The following DCC variants were observed in gnomAD, a reference collection of about 807,000 sequenced individuals.
The protein encoded by DCC is DCC netrin 1 receptor.
Under a neutral mutation model 172.5 loss-of-function variants are expected in DCC, and 58 were observed. That is an observed-to-expected ratio of 0.34 (90% confidence interval 0.27 to 0.42). The LOEUF is 0.42. DCC is among the 10% of genes least tolerant of loss of function. The probability of loss-of-function intolerance (pLI) is 1.00; values close to 1 mark genes in which losing one functional copy is unlikely to be tolerated. For synonymous variants in DCC, 709 were observed against 644.5 expected, an observed-to-expected ratio of 1.10 and a Z score of -1.52; for missense variants, 1,740 against 1,791.0, an observed-to-expected ratio of 0.97 and a Z score of 0.51.
intron 22 of DCC, among the ~76,000 whole-genome samples, chr18:53,442,102 C>T (rs553009693): frequency 6.6e-6 from 1 of 152,272 alleles, no homozygotes; most frequent in South Asian, 2.1e-4. Flanking sequence ...ATTGTTATAC[C>T]TCTCTACATG....
At chr18:52,615,386 C>A (rs188868454) in intron 1 of DCC, among the ~76,000 whole-genome samples, 38 of 152,118 alleles carry the variant, frequency 2.5e-4, no homozygotes, top group African/African-American at 6.3e-4. Context: ...AGATTCAAAG[C>A]GGTGGGAACA....
intron 2 of DCC, among the ~76,000 whole-genome samples, chr18:52,812,643 A>G (rs916828085): frequency 6.6e-6 from 1 of 152,242 alleles, no homozygotes; most frequent in African/African-American, 2.4e-5. Context: ...ATTTATTTTC[A>G]AAGCCTAAGG....
chr18:53,243,632 G>C (rs1460390548), intron 12 of DCC, among the ~76,000 whole-genome samples: 1 of 152,110 alleles, frequency 6.6e-6, no homozygotes, highest in Non-Finnish European at 1.5e-5. Flanking sequence ...CAGATTATGT[G>C]GTTTAAGAAG....
intron 1 of DCC, among the ~76,000 whole-genome samples, chr18:52,403,433 A>C (rs1210352255): frequency 6.6e-6 from 1 of 152,020 alleles, no homozygotes; most frequent in African/African-American, 2.4e-5. Flanking sequence ...TTGAGGGTCC[A>C]GACTCATACT....
At chr18:52,569,200 A>G (rs2144755241) in intron 1 of DCC, among the ~76,000 whole-genome samples, 1 of 152,330 alleles carries the variant, frequency 6.6e-6, no homozygotes. Context: ...GCTGGATAAA[A>G]GAGGAACACA....
chr18:52,725,019 C>A (rs1188747976), intron 1 of DCC, among the ~76,000 whole-genome samples: 1 of 152,180 alleles, frequency 6.6e-6, no homozygotes, highest in African/African-American at 2.4e-5. Flanking sequence ...GGGTTATTTT[C>A]TTCACCAGGG....
chr18:52,846,448 G>A (rs1568141908), intron 2 of DCC, among the ~76,000 whole-genome samples: 1 of 152,090 alleles, frequency 6.6e-6, no homozygotes, highest in Non-Finnish European at 1.5e-5. Context: ...TCTGAGGTAG[G>A]AGGATTGCTT....
rs183452198 is a variant in DCC, at chr18:52,527,158, T to C, written c.91+186280T>C. 8.5e-5 allele frequency among the ~76,000 whole-genome samples: 13 copies of C among 152,292 alleles called. No individual in the cohort carries two copies. In the East Asian group the frequency reaches 2.5e-3, roughly 29 times the overall value. Reference sequence around the variant, plus strand: ...ACAAATGATTCTGTTCCCTCGGTGATAAAAGAAAAAATTACTGAGAGGGGA... The same window carrying C: ...ACAAATGATTCTGTTCCCTCGGTGACAAAAGAAAAAATTACTGAGAGGGGA... On this transcript the variant is annotated intron_variant, in intron 1 of 28. Coordinates refer to ENST00000442544, the MANE Select transcript of DCC (RefSeq NM_005215.4).
intron 1 of DCC, among the ~76,000 whole-genome samples, chr18:52,560,620 T>G (rs954419869): frequency 1.3e-5 from 2 of 152,224 alleles, no homozygotes; most frequent in African/African-American, 4.8e-5. Context: ...AAATACTCTT[T>G]GATCTTGATC....
rs377323303 is a variant in DCC at position 52,391,494 on chromosome 18, G to T, written c.91+50616G>T. On this transcript the variant is annotated intron_variant, in intron 1 of 28. Transcript: ENST00000442544. ...GAAGTTGGTTTTAAAGTGAGAATAA[G>T]AGAACCAGAAGGAATTAAGAATTCA... is the stretch of plus-strand genomic sequence containing the variant. Among the ~76,000 whole-genome samples, 7 of 152,224 alleles carry T rather than the reference G, an allele frequency of 4.6e-5. No individual in the cohort carries two copies. The East Asian group carries it at 1.4e-3, about 30-fold the overall frequency.
rs1220281706 is a variant in DCC, at chr18:53,423,220, GTTC to G, written c.3163+7070_3163+7072del. On this transcript the variant is annotated intron_variant, in intron 21 of 28. Transcript: ENST00000442544. ...ACTTCAAATAAAATTCCATAAACAG[GTTC>G]TTCTTGTAAGAGCCACTGTATTTTG... 9.2e-5 allele frequency among the ~76,000 whole-genome samples: 14 copies of G among 152,232 alleles called. No homozygotes were observed. The East Asian group carries it at 2.7e-3, about 29-fold the overall frequency.
chr18:52,708,937 T>C (rs1315046076), intron 1 of DCC, among the ~76,000 whole-genome samples: 6 of 152,332 alleles, frequency 3.9e-5, no homozygotes, highest in East Asian at 3.9e-4. Context: ...GTACCAAAGA[T>C]GATCCCCTTG....
At chr18:52,791,880 C>A (rs551155184) in intron 2 of DCC, among the ~76,000 whole-genome samples, 132 of 152,120 alleles carry the variant, frequency 8.7e-4, no homozygotes, top group African/African-American at 3.1e-3. Context: ...AGAATACGTG[C>A]CTTAAAAGAA....
chr18:53,142,430 T>C (rs909010716), intron 7 of DCC, among the ~76,000 whole-genome samples: 1 of 152,194 alleles, frequency 6.6e-6, no homozygotes. Flanking sequence ...TTCCTTTTTT[T>C]AAATAAGTTC....
chr18:52,422,741 G>A (rs926418690), intron 1 of DCC, among the ~76,000 whole-genome samples: 2 of 152,140 alleles, frequency 1.3e-5, no homozygotes, highest in South Asian at 4.1e-4. Flanking sequence ...GAAAGGAAGC[G>A]GCAATGGGGT....
intron 7 of DCC, among the ~76,000 whole-genome samples, chr18:53,098,156 G>A (rs111959460): frequency 6.6e-6 from 1 of 151,842 alleles, no homozygotes; most frequent in Non-Finnish European, 1.5e-5. Flanking sequence ...TCTCAAAATT[G>A]TTAGCTCAGT....
intron 1 of DCC, among the ~76,000 whole-genome samples, chr18:52,414,914 T>G (rs1037360911): frequency 3.3e-5 from 5 of 152,344 alleles, no homozygotes; most frequent in Non-Finnish European, 7.3e-5. Context: ...TTTCTGCAAT[T>G]GCAGAGTATT....
chr18:53,228,597 A>G (rs1002609756), intron 12 of DCC, among the ~76,000 whole-genome samples: 7 of 152,050 alleles, frequency 4.6e-5, no homozygotes, highest in African/African-American at 7.2e-5. Flanking sequence ...TTCTCTACCT[A>G]TGATAAAGGT....
chr18:52,665,829 AT>A (rs1392159411), intron 1 of DCC, among the ~76,000 whole-genome samples: 2 of 152,126 alleles, frequency 1.3e-5, no homozygotes, highest in South Asian at 4.1e-4. Context: ...GAAACTGACA[AT>A]TTTTTTAGGA....
Sources: allele counts gnomAD v4.1 joint callset (sites outside exome capture counted in the v4.1 genomes callset), GRCh38; gene constraint gnomAD v4.1.1; transcripts MANE v1.5; gene names NCBI Gene and HGNC (gene_info 2026-07-23, HGNC 2026-07-21).